The following MDGA2 variants were observed in gnomAD, a reference collection of about 807,000 sequenced individuals.
MDGA2 encodes MAM domain-containing glycosylphosphatidylinositol anchor protein 2.
Under a neutral mutation model 117.8 loss-of-function variants are expected in MDGA2, and 40 were observed. The ratio of observed to expected loss-of-function variants is 0.34; its 90% CI spans 0.26 to 0.44. MDGA2 has a LOEUF of 0.44. Ranked by LOEUF, MDGA2 falls within the 20% of genes least tolerant of loss-of-function variation. The probability of loss-of-function intolerance (pLI) is 1.00; values close to 1 mark genes in which losing one functional copy is unlikely to be tolerated. For missense variants in MDGA2, 1,123 were observed against 1,250.6 expected (o/e 0.90, Z 1.54); for synonymous variants, 452 against 439.0 (o/e 1.03, Z -0.37).
chr14:47,672,502 A>C (rs1468311889), intron 1 of MDGA2, among the ~76,000 whole-genome samples: 3 of 152,222 alleles, frequency 2.0e-5, no homozygotes, highest in Admixed American at 6.5e-5. Context: ...AATAACAAAA[A>C]GTGACAGGAA....
intron 7 of MDGA2, among the ~76,000 whole-genome samples, chr14:47,056,116 T>G (rs1889666844): frequency 6.6e-6 from 1 of 152,156 alleles, no homozygotes; most frequent in African/African-American, 2.4e-5. Context: ...CTATAGCCAT[T>G]CTATAAAACT....
intron 2 of MDGA2, among the ~76,000 whole-genome samples, chr14:47,246,539 G>C (rs1479284192): frequency 1.3e-5 from 2 of 151,596 alleles, no homozygotes; most frequent in African/African-American, 2.4e-5. Context: ...ACAGGTATAG[G>C]AGGTTGAGCT....
At chr14:47,370,795 T>C (rs1230785730) in intron 1 of MDGA2, among the ~76,000 whole-genome samples, 1 of 151,652 alleles carries the variant, frequency 6.6e-6, no homozygotes, top group African/African-American at 2.4e-5. Flanking sequence ...TCCAATGACT[T>C]TCAAACTTCA....
At chr14:47,115,093 C>T (rs1418726086) in intron 5 of MDGA2, among the ~76,000 whole-genome samples, 1 of 151,962 alleles carries the variant, frequency 6.6e-6, no homozygotes, top group Non-Finnish European at 1.5e-5. Context: ...GCTGAATACA[C>T]TCTAGACTAA....
At chr14:46,932,252 TA>T (rs925779961) in intron 9 of MDGA2, among the ~76,000 whole-genome samples, 35 of 150,872 alleles carry the variant, frequency 2.3e-4, no homozygotes, top group African/African-American at 6.3e-4. Context: ...TTTCCTAAAT[TA>T]AAAAAAAAGA....
chr14:47,227,558 T>C (rs1292621204), intron 2 of MDGA2, among the ~76,000 whole-genome samples: 2 of 152,056 alleles, frequency 1.3e-5, no homozygotes, highest in Non-Finnish European at 1.5e-5. Flanking sequence ...TAAAATATAA[T>C]AATTTTGCCT....
intron 14 of MDGA2, among the ~76,000 whole-genome samples, chr14:46,872,332 ACTTC>A (rs1159034893): frequency 3.3e-5 from 5 of 152,092 alleles, no homozygotes; most frequent in South Asian, 2.1e-4. Flanking sequence ...CTCAAATTTT[ACTTC>A]CTTATTACCA....
intron 2 of MDGA2, among the ~76,000 whole-genome samples, chr14:47,254,833 G>A (rs1887564420): frequency 6.6e-6 from 1 of 152,132 alleles, no homozygotes. Flanking sequence ...AGAGGCTTGG[G>A]TGGGAGGCCT....
intron 1 of MDGA2, among the ~76,000 whole-genome samples, chr14:47,325,100 A>G (rs1379661180): frequency 6.6e-6 from 1 of 152,194 alleles, no homozygotes; most frequent in African/African-American, 2.4e-5. Flanking sequence ...AACTAGAACT[A>G]GTGTGTAATA....
intron 9 of MDGA2, among the ~76,000 whole-genome samples, chr14:46,953,335 C>T (rs1165016307): frequency 2.6e-5 from 4 of 151,460 alleles, no homozygotes; most frequent in Non-Finnish European, 5.9e-5. Context: ...AACACCACCC[C>T]TTTAGTATCT....
intron 1 of MDGA2, among the ~76,000 whole-genome samples, chr14:47,489,099 A>T (rs2138649496): frequency 6.6e-6 from 1 of 152,128 alleles, no homozygotes; most frequent in Middle Eastern, 3.4e-3. Flanking sequence ...TAAAAAAAAG[A>T]TGTGGACAAT....
intron 1 of MDGA2, among the ~76,000 whole-genome samples, chr14:47,607,158 T>C (rs1326183973): frequency 6.6e-6 from 1 of 152,188 alleles, no homozygotes; most frequent in East Asian, 1.9e-4. Context: ...TCTATTATAT[T>C]GCACACTTTA....
rs1234012109 is a variant in MDGA2 at position 47,621,999 on chromosome 14, A to G, written c.280+52518T>C. 2.6e-5 allele frequency among the ~76,000 whole-genome samples: 4 copies of G among 152,234 alleles called. No homozygotes were observed. In the East Asian group the frequency reaches 7.7e-4, roughly 29 times the overall value. ...ATTAAATGAGATAATGGGCATGGTG[A>G]TAAGCACTGTGCTTGTAACATAGTA... On this transcript the variant is annotated intron_variant, in intron 1 of 16. Coordinates refer to ENST00000399232, the MANE Select transcript of MDGA2 (RefSeq NM_001113498.3).
intron 1 of MDGA2, among the ~76,000 whole-genome samples, chr14:47,311,029 C>T (rs1889617484): frequency 6.6e-6 from 1 of 152,070 alleles, no homozygotes; most frequent in African/African-American, 2.4e-5. Context: ...GTTCTTTGAA[C>T]CAAATCTTCC....
At chr14:47,055,425 T>C (rs1448234509) in intron 7 of MDGA2, among the ~76,000 whole-genome samples, 1 of 152,092 alleles carries the variant, frequency 6.6e-6, no homozygotes, top group African/African-American at 2.4e-5. Context: ...CCAGCTCAGA[T>C]GCTACCTGCT....
intron 2 of MDGA2, among the ~76,000 whole-genome samples, chr14:47,297,353 T>C (rs962841110): frequency 6.6e-6 from 1 of 150,754 alleles, no homozygotes; most frequent in Non-Finnish European, 1.5e-5. Flanking sequence ...ACTATATTTA[T>C]AATGTATTTA....
chr14:47,061,447 A>G lies in MDGA2; in HGVS notation c.1327T>C (p.Phe443Leu). The G allele has an allele frequency of 6.2e-7, 1 of 1,613,568 alleles. No homozygotes were observed. The highest frequency in any genetic ancestry group is 8.5e-7 in the Non-Finnish European group (1 of 1,179,624). ...CTTCTTAATGGACGACCATTTTTAA[A>G]CCAACTAAATGTTAGCTCCTCAGAA... ...VPSEELTFSWFKNGRPLRSSE... is the reference protein window; with the variant it reads ...VPSEELTFSWLKNGRPLRSSE... The change falls in exon 7 of 17, where the codon TTT (phenylalanine) becomes CTT (leucine). Residue 443 changes from phenylalanine to leucine, a missense_variant. This residue lies in a region of MDGA2 where 890 missense variants were observed against 1,050.3 expected (regional missense o/e 0.85). Transcript: ENST00000399232.
At chr14:46,959,283 G>C (rs1014410265) in intron 8 of MDGA2, among the ~76,000 whole-genome samples, 1 of 142,646 alleles carries the variant, frequency 7.0e-6, no homozygotes, top group Non-Finnish European at 1.5e-5. Context: ...GTGTGTGTGT[G>C]TGTGTGTGTG....
At chr14:47,029,555 A>T (rs1007603906) in intron 8 of MDGA2, among the ~76,000 whole-genome samples, 1 of 152,162 alleles carries the variant, frequency 6.6e-6, no homozygotes, top group Non-Finnish European at 1.5e-5. Flanking sequence ...CATGGTGGAG[A>T]TTTAACAGCA....
Sources: allele counts gnomAD v4.1 joint callset (sites outside exome capture counted in the v4.1 genomes callset), GRCh38; gene constraint gnomAD v4.1.1; regional missense constraint gnomAD v4.1.1; transcripts MANE v1.5; gene names NCBI Gene and HGNC (gene_info 2026-07-23, HGNC 2026-07-21).